The following LMX1B variants were observed in gnomAD, a reference collection of about 807,000 sequenced individuals.
LMX1B encodes the protein LIM homeobox transcription factor 1 beta.
A neutral mutation model predicts 51.4 loss-of-function variants in LMX1B; 12 were observed. The observed-to-expected ratio is 0.23, with a 90% CI of 0.15 to 0.38. The LOEUF (loss-of-function observed/expected upper bound fraction) is 0.38, where lower values mean the gene tolerates loss of function less well. Ranked by LOEUF, LMX1B falls within the 10% of genes least tolerant of loss-of-function variation. LMX1B has a pLI of 1.00. For missense variants in LMX1B, 445 were observed against 571.1 expected (o/e 0.78, Z 2.25); for synonymous variants, 237 against 235.4 (o/e 1.01, Z -0.06).
rs2030330121 is a variant in LMX1B, at chr9:126,696,287, C to G, written c.1052-7C>G. 1.9e-6 allele frequency: 3 copies of G among 1,613,932 alleles called. No homozygotes were observed. Among genetic ancestry groups the G allele is most frequent in the Non-Finnish European group, 2.5e-6 (3 of 1,179,862 alleles). On this transcript the variant is annotated splice_region_variant and splice_polypyrimidine_tract_variant and intron_variant, in intron 7 of 7. Coordinates refer to ENST00000373474, the MANE Select transcript of LMX1B (RefSeq NM_001174147.2). Reference sequence around the variant, plus strand: ...ACCCCGGTCCTGACACCCCTTCTGCCCCCCAGGGAACGACTCCATCTTCCA... The same window carrying G: ...ACCCCGGTCCTGACACCCCTTCTGCGCCCCAGGGAACGACTCCATCTTCCA...
chr9:126,628,891 G>A (rs1187846890), intron 2 of LMX1B, among the ~76,000 whole-genome samples: 2 of 151,810 alleles, frequency 1.3e-5, no homozygotes, highest in Non-Finnish European at 2.9e-5. Context: ...CTCTGCTTGC[G>A]ACGCAAATTG....
At chr9:126,663,087 A>T (rs1171601427) in intron 2 of LMX1B, among the ~76,000 whole-genome samples, 2 of 152,136 alleles carry the variant, frequency 1.3e-5, no homozygotes, top group Admixed American at 1.3e-4. Context: ...GGGCAAGCGA[A>T]TGTCCCTCTC....
At chr9:126,617,166 TG>T (rs1435719103) in intron 2 of LMX1B, among the ~76,000 whole-genome samples, 3 of 152,176 alleles carry the variant, frequency 2.0e-5, no homozygotes, top group Non-Finnish European at 4.4e-5. Context: ...GGGGTAGATG[TG>T]GCTGTGGGCT....
chr9:126,672,755 TAGGG>T (rs1344487168), intron 2 of LMX1B, among the ~76,000 whole-genome samples: 2 of 152,144 alleles, frequency 1.3e-5, no homozygotes, highest in African/African-American at 4.8e-5. Context: ...GGCCTGGCCT[TAGGG>T]AGGGGGGCGC....
rs1437385666 is a variant in LMX1B at position 126,696,352 on chromosome 9, C to T, written c.1110C>T (p.Asp370=). 1 of 1,614,028 alleles carries T rather than the reference C, an allele frequency of 6.2e-7. No individual in the cohort carries two copies. The highest frequency in any genetic ancestry group is 8.5e-7 in the Non-Finnish European group (1 of 1,180,000). ...ATACCTCCTTAACCAGCCTCAGCGA[C>T]TGCTTCCTCGGCTCCTCAGACGTGG... The part of the protein sequence containing the change: ...DSDTSLTSLS[D]CFLGSSDVGS... The change falls in exon 8 of 8, where the codon GAC becomes GAT. Residue 370 remains aspartate, a synonymous_variant. Coordinates refer to ENST00000373474, the MANE Select transcript of LMX1B (RefSeq NM_001174147.2).
intron 2 of LMX1B, among the ~76,000 whole-genome samples, chr9:126,680,853 C>T (rs1161546989): frequency 6.6e-6 from 1 of 152,188 alleles, no homozygotes; most frequent in African/African-American, 2.4e-5. Flanking sequence ...AGCTCGCAGC[C>T]TCCCTGATGC....
intron 2 of LMX1B, among the ~76,000 whole-genome samples, chr9:126,666,171 TC>T (rs1836339964): frequency 6.6e-6 from 1 of 152,208 alleles, no homozygotes; most frequent in South Asian, 2.1e-4. Context: ...TGAACGCAGC[TC>T]TGGTGCTCTG....
At chr9:126,675,598 G>A (rs1026262327) in intron 2 of LMX1B, among the ~76,000 whole-genome samples, 4 of 151,378 alleles carry the variant, frequency 2.6e-5, no homozygotes, top group Non-Finnish European at 5.9e-5. Context: ...AGTGGCACAC[G>A]CCTGTAATCC....
chr9:126,656,383 T>C (rs373218777), intron 2 of LMX1B, among the ~76,000 whole-genome samples: 1 of 143,848 alleles, frequency 7.0e-6, no homozygotes, highest in Admixed American at 7.0e-5. Context: ...GATCTGGTCT[T>C]TAGATAGATA....
chr9:126,633,382 A>T (rs1308135443), intron 2 of LMX1B, among the ~76,000 whole-genome samples: 1 of 152,196 alleles, frequency 6.6e-6, no homozygotes, highest in Non-Finnish European at 1.5e-5. Flanking sequence ...TCCGTGTGTC[A>T]TGTCATTGTG....
chr9:126,630,004 G>A (rs1422116094), intron 2 of LMX1B, among the ~76,000 whole-genome samples: 2 of 151,924 alleles, frequency 1.3e-5, no homozygotes, highest in African/African-American at 4.8e-5. Flanking sequence ...AAATTAGCTG[G>A]GCGTCATGGC....
chr9:126,692,335 G>A (rs780581566), intron 3 of LMX1B, among the ~76,000 whole-genome samples: 1 of 152,238 alleles, frequency 6.6e-6, no homozygotes, highest in Non-Finnish European at 1.5e-5. Flanking sequence ...AGACCAGCCT[G>A]GGGGGCAGCG....
At chr9:126,684,390 C>T (rs1016544798) in intron 2 of LMX1B, among the ~76,000 whole-genome samples, 1 of 152,154 alleles carries the variant, frequency 6.6e-6, no homozygotes, top group African/African-American at 2.4e-5. Context: ...GAGCACACAC[C>T]TATTAAGATC....
At chr9:126,680,403 A>G (rs185340349) in intron 2 of LMX1B, among the ~76,000 whole-genome samples, 1 of 152,334 alleles carries the variant, frequency 6.6e-6, no homozygotes, top group Admixed American at 6.5e-5. Flanking sequence ...CTCTCTAGCA[A>G]AGAGAGTGAT....
chr9:126,681,343 C>G (rs1025861246), intron 2 of LMX1B, among the ~76,000 whole-genome samples: 3 of 152,178 alleles, frequency 2.0e-5, no homozygotes, highest in African/African-American at 4.8e-5. Context: ...GGCTGCACTC[C>G]CTGTTCTTCC....
chr9:126,638,890 A>G (rs1040219790), intron 2 of LMX1B, among the ~76,000 whole-genome samples: 1 of 152,096 alleles, frequency 6.6e-6, no homozygotes, highest in African/African-American at 2.4e-5. Context: ...GGAGGTGCCT[A>G]ATCCTATTGG....
chr9:126,625,901 C>T lies in LMX1B; in HGVS notation c.326+10332C>T, dbSNP rs1389551463. 6.6e-6 allele frequency among the ~76,000 whole-genome samples: 1 copy of T among 152,234 alleles called. No homozygotes were observed. The highest frequency in any genetic ancestry group is 1.5e-5 in the Non-Finnish European group (1 of 68,032). On this transcript the variant is annotated intron_variant, in intron 2 of 7. Coordinates refer to ENST00000373474, the MANE Select transcript of LMX1B (RefSeq NM_001174147.2). This position sits in a 1 kb window ranked among gnomAD's most constrained non-coding sequence, Gnocchi z 5.3. Reference sequence around the variant, plus strand: ...GCTTGGGCTTTAGCCGTGGCGCTCGCCTCGGCGCAGTGGGGAGCCGCGGGC... The same window carrying T: ...GCTTGGGCTTTAGCCGTGGCGCTCGTCTCGGCGCAGTGGGGAGCCGCGGGC...
intron 2 of LMX1B, among the ~76,000 whole-genome samples, chr9:126,650,542 C>T (rs1182479160): frequency 6.6e-6 from 1 of 152,260 alleles, no homozygotes; most frequent in Non-Finnish European, 1.5e-5. Context: ...TCAGCAGCGG[C>T]CAGGGAGAAG....
At chr9:126,657,975 C>T (rs112719160) in intron 2 of LMX1B, among the ~76,000 whole-genome samples, 6 of 152,218 alleles carry the variant, frequency 3.9e-5, no homozygotes, top group African/African-American at 7.2e-5. Context: ...GTGGGCTAGC[C>T]GTCCAGTGAT....
Sources: gnomAD v4.1 joint callset for allele counts (sites outside exome capture counted in the v4.1 genomes callset) on GRCh38, gnomAD v4.1.1 for gene constraint, Gnocchi (gnomAD v3.1) non-coding constraint, MANE v1.5 for transcripts, NCBI Gene and HGNC (gene_info 2026-07-23, HGNC 2026-07-21) for gene names.